Variants in SASH1 observed in about 807,000 individuals in gnomAD.
SASH1 encodes the protein SAM and SH3 domain containing 1.
Under a neutral mutation model 125.2 loss-of-function variants are expected in SASH1, and 44 were observed. That is an observed-to-expected ratio of 0.35 (90% confidence interval 0.28 to 0.45). The LOEUF is 0.45. Among genes scored for constraint, SASH1 ranks in the 20% least tolerant of loss-of-function variants. The pLI is 1.00. For synonymous variants in SASH1, 639 were observed against 649.1 expected, an observed-to-expected ratio of 0.98 and a Z score of 0.24; for missense variants, 1,426 against 1,614.5, an observed-to-expected ratio of 0.88 and a Z score of 2.00.
chr6:148,267,559 T>C, upstream of SASH1, among the ~76,000 whole-genome samples: 1 of 152,078 alleles, frequency 6.6e-6, no homozygotes, highest in Non-Finnish European at 1.5e-5. Flanking sequence ...TTTGTATTTT[T>C]AGTAGAGACG....
chr6:148,312,317 A>G (rs1169656260), intron 1 of SASH1, among the ~76,000 whole-genome samples: 1 of 152,232 alleles, frequency 6.6e-6, no homozygotes, highest in Non-Finnish European at 1.5e-5. Flanking sequence ...AGAAAAAAGA[A>G]GCAATACTCT....
At chr6:148,316,771 T>C (rs1186061743) in intron 1 of SASH1, among the ~76,000 whole-genome samples, 1 of 152,252 alleles carries the variant, frequency 6.6e-6, no homozygotes, top group South Asian at 2.1e-4. Context: ...TATGTTGAGA[T>C]GATACAGGTA....
intron 1 of SASH1, among the ~76,000 whole-genome samples, chr6:148,298,667 GAGGAAGGAAGGA>G (rs71031057): frequency 1.6e-3 from 89 of 55,702 alleles, no homozygotes; most frequent in East Asian, 0.013. Context: ...GGGAGGGAGG[GAGGAAGGAAGGA>G]AGGAAGGAAG....
chr6:148,388,961 A>G (rs1783590230), intron 1 of SASH1, among the ~76,000 whole-genome samples: 2 of 152,236 alleles, frequency 1.3e-5, no homozygotes, highest in Admixed American at 6.5e-5. Context: ...GAGGTTAAAA[A>G]AAAAAAAAAG....
intron 16 of SASH1, 144 bp downstream of exon 16, chr6:148,535,045 T>C (rs1781759230): frequency 5.8e-6 from 6 of 1,030,592 alleles, no homozygotes; most frequent in Non-Finnish European, 8.6e-6. Context: ...TAAGTCCCTG[T>C]ACGCACAGAG....
In SASH1 at chr6:148,519,592, G is replaced by C. The variant is rs147468160; in HGVS notation, c.908G>C (p.Arg303Pro). The change falls in exon 10 of 20, where the codon CGG (arginine) becomes CCG (proline). Residue 303 changes from arginine to proline, a missense_variant. Coordinates refer to ENST00000367467, the MANE Select transcript of SASH1 (RefSeq NM_015278.5). This position sits in a 1 kb window ranked among gnomAD's most constrained non-coding sequence, Gnocchi z 4.8. ...VFENSPVLDE[R>P]SALYSGVHKK... is the part of the protein sequence containing the mutation. Reference sequence around the variant, plus strand: ...GAGAATTCGCCGGTCCTGGATGAACGGTCCGCCCTCTACTCTGGCGTGCAC... The same window carrying C: ...GAGAATTCGCCGGTCCTGGATGAACCGTCCGCCCTCTACTCTGGCGTGCAC... 2.6e-4 allele frequency: 413 copies of C among 1,614,118 alleles called. 1 individual carries two copies. In the East Asian group the frequency reaches 5.4e-3, roughly 21 times the overall value.
At chr6:148,508,094 T>C (rs1779906023) in intron 8 of SASH1, among the ~76,000 whole-genome samples, 1 of 152,166 alleles carries the variant, frequency 6.6e-6, no homozygotes, top group African/African-American at 2.4e-5. Context: ...ACTCGGATGC[T>C]CTGAAATGGG....
intron 16 of SASH1, 81 bp from the exon 17 acceptor site, chr6:148,540,362 G>A: frequency 9.6e-7 from 1 of 1,040,178 alleles, no homozygotes; most frequent in Admixed American, 2.0e-5. Flanking sequence ...CAGTAACTGA[G>A]GATAAAGTCG....
intron 2 of SASH1, among the ~76,000 whole-genome samples, chr6:148,433,406 C>CTTT (rs5880780): frequency 1.6e-5 from 2 of 127,996 alleles, no homozygotes; most frequent in African/African-American, 2.9e-5. Flanking sequence ...TTTCTTTTTT[C>CTTT]TTTTTTTTTT....
At chr6:148,394,944 A>C (rs1314780135) in intron 2 of SASH1, among the ~76,000 whole-genome samples, 1 of 152,204 alleles carries the variant, frequency 6.6e-6, no homozygotes, top group African/African-American at 2.4e-5. Context: ...GTGACTGGCC[A>C]GTTTCTTTCT....
intron 1 of SASH1, among the ~76,000 whole-genome samples, chr6:148,386,029 G>C (rs2114802026): frequency 6.6e-6 from 1 of 152,302 alleles, no homozygotes; most frequent in Admixed American, 6.5e-5. Context: ...GAGCAGTCTT[G>C]TGGGACTGAG....
intron 17 of SASH1, among the ~76,000 whole-genome samples, chr6:148,540,851 C>G (rs1462395348): frequency 6.6e-6 from 1 of 152,034 alleles, no homozygotes; most frequent in East Asian, 1.9e-4. Flanking sequence ...GCTATTAGGT[C>G]CATAAGGAAA....
the SASH1 span, among the ~76,000 whole-genome samples, chr6:148,203,824 T>C: frequency 3.3e-5 from 5 of 152,154 alleles, no homozygotes; most frequent in Non-Finnish European, 7.4e-5. Flanking sequence ...ATTAATCCAT[T>C]AGGTTCTTTA....
rs549056193 is a variant in SASH1 at position 148,532,040 on chromosome 6, G to A, written c.1564+379G>A. Among the ~76,000 whole-genome samples the A allele has an allele frequency of 5.9e-5, 9 of 152,270 alleles. No homozygotes were observed. Among genetic ancestry groups the A allele is most frequent in the East Asian group, 3.9e-4 (2 of 5,182 alleles). On this transcript the variant is annotated intron_variant, in intron 13 of 19. Coordinates refer to ENST00000367467, the MANE Select transcript of SASH1 (RefSeq NM_015278.5). The surrounding 1 kb of genome is among the most constrained non-coding windows in gnomAD (Gnocchi z 4.7). ...TAAATTCGGGCCAATGGTAGTTGGA[G>A]TTGGCTGAATGGTATGAAGGAAAAG...
At chr6:148,338,119 G>T (rs189872577), upstream of SASH1, among the ~76,000 whole-genome samples, 445 of 147,880 alleles carry the variant, frequency 3.0e-3, 3 homozygotes, top group African/African-American at 0.01. Flanking sequence ...CAGATGAAAA[G>T]ACTTTTAAAA....
intron 1 of SASH1, among the ~76,000 whole-genome samples, chr6:148,358,928 G>T (rs1782068635): frequency 1.3e-5 from 2 of 151,500 alleles, no homozygotes; most frequent in Non-Finnish European, 2.9e-5. Flanking sequence ...GTAGAGACGG[G>T]GTTTCACCGT....
intron 17 of SASH1, among the ~76,000 whole-genome samples, chr6:148,542,523 A>G (rs1187029918): frequency 6.6e-6 from 1 of 152,102 alleles, no homozygotes; most frequent in African/African-American, 2.4e-5. Flanking sequence ...AGTAGCTGGG[A>G]CTACAGGCGC....
Position 148,390,211 on chromosome 6 carries a change from C to T in SASH1, c.234C>T (p.Cys78=), listed in dbSNP as rs768459233. The T allele has an allele frequency of 1.2e-4, 195 of 1,612,830 alleles. 2 individuals carry two copies. In the South Asian group the frequency reaches 1.6e-3, roughly 13 times the overall value. The part of the protein sequence containing the change: ...DYYNTCFSDV[C]ERMEELRKRR... ...ACAACACCTGTTTCTCCGACGTGTG[C>T]GAGAGGATGGAGGAGCTGCGGAAAC... Residue 78 remains cysteine, a synonymous_variant, in exon 2 of 20, where the codon TGC becomes TGT. Transcript: ENST00000367467.
intron 8 of SASH1, 161 bp from the exon 9 acceptor site, chr6:148,514,163 T>G (rs1780303283): frequency 7.0e-7 from 1 of 1,424,002 alleles, no homozygotes; most frequent in South Asian, 1.6e-5. Context: ...TAAGATGGTA[T>G]GTGGCACTTT....
Sources: gnomAD v4.1 joint callset for allele counts (sites outside exome capture counted in the v4.1 genomes callset) on GRCh38, gnomAD v4.1.1 for gene constraint, Gnocchi (gnomAD v3.1) non-coding constraint, MANE v1.5 for transcripts, NCBI Gene and HGNC (gene_info 2026-07-23, HGNC 2026-07-21) for gene names.